RAPGEF4: variants seen among roughly 807,000 people sequenced by gnomAD.
The protein encoded by RAPGEF4 is RAP guanine-nucleotide-exchange factor (GEF) 4.
In RAPGEF4, 66 loss-of-function variants were observed where a neutral mutation model predicts 147.9. That is an observed-to-expected ratio of 0.45 (90% CI 0.37 to 0.55). RAPGEF4 has a LOEUF of 0.55. Among genes scored for constraint, RAPGEF4 ranks in the 20% least tolerant of loss-of-function variants. RAPGEF4 has a pLI of 0.00. For synonymous variants in RAPGEF4, 419 were observed against 442.7 expected, an observed-to-expected ratio of 0.95 and a Z score of 0.67; for missense variants, 1,071 against 1,257.3, an observed-to-expected ratio of 0.85 and a Z score of 2.24.
intron 29 of RAPGEF4, among the ~76,000 whole-genome samples, chr2:173,047,763 A>T (rs201906298): frequency 2.7e-5 from 4 of 149,728 alleles, no homozygotes; most frequent in African/African-American, 9.9e-5. Flanking sequence ...TGCAAGCTCC[A>T]CCTCCCAGGT....
At chr2:172,907,060 A>T (rs1424134501) in intron 4 of RAPGEF4, among the ~76,000 whole-genome samples, 2 of 152,142 alleles carry the variant, frequency 1.3e-5, no homozygotes, top group South Asian at 4.1e-4. Flanking sequence ...GTTTATCCCC[A>T]CCACCCCTTC....
chr2:172,943,521 A>C (rs987245281), intron 6 of RAPGEF4, among the ~76,000 whole-genome samples: 2 of 152,168 alleles, frequency 1.3e-5, no homozygotes, highest in African/African-American at 4.8e-5. Flanking sequence ...ACAGCATTTG[A>C]TAAATGTTTG....
chr2:172,888,375 G>A (rs1380313426), intron 4 of RAPGEF4, among the ~76,000 whole-genome samples: 1 of 152,190 alleles, frequency 6.6e-6, no homozygotes, highest in African/African-American at 2.4e-5. Context: ...CTTTCCATGT[G>A]CGACACCATC....
chr2:172,989,605 G>A (rs1692625105), intron 14 of RAPGEF4, among the ~76,000 whole-genome samples: 1 of 152,296 alleles, frequency 6.6e-6, no homozygotes, highest in East Asian at 1.9e-4. Context: ...TTGTCCCTGG[G>A]AGGGATGACT....
At chr2:173,011,890 A>C (rs1290637501) in intron 17 of RAPGEF4, among the ~76,000 whole-genome samples, 5 of 150,176 alleles carry the variant, frequency 3.3e-5, no homozygotes, top group African/African-American at 1.2e-4. Context: ...TAATTGTCCT[A>C]TCTTGGGGTT....
intron 17 of RAPGEF4, among the ~76,000 whole-genome samples, chr2:173,011,009 T>A (rs1458765764): frequency 1.3e-5 from 2 of 152,110 alleles, no homozygotes; most frequent in African/African-American, 4.8e-5. Flanking sequence ...TACTGAACTT[T>A]CGTGAGAAAA....
At chr2:172,802,728 T>A (rs1687102667) in intron 3 of RAPGEF4, among the ~76,000 whole-genome samples, 1 of 152,222 alleles carries the variant, frequency 6.6e-6, no homozygotes, top group Non-Finnish European at 1.5e-5. Context: ...ATGTCTTATC[T>A]GAGACAAGGC....
At chr2:172,885,671 C>T (rs1292799665) in intron 4 of RAPGEF4, among the ~76,000 whole-genome samples, 3 of 152,116 alleles carry the variant, frequency 2.0e-5, no homozygotes, top group East Asian at 1.9e-4. Flanking sequence ...TTCACCACCA[C>T]GAGAACAGTA....
At chr2:172,975,576 T>G (rs1299287786) in intron 10 of RAPGEF4, among the ~76,000 whole-genome samples, 1 of 152,216 alleles carries the variant, frequency 6.6e-6, no homozygotes, top group Non-Finnish European at 1.5e-5. Flanking sequence ...ATTTCCTCTC[T>G]CCTAGGTTGC....
rs6713917 is a variant in RAPGEF4, at chr2:172,784,928, T to G, written c.66-10097T>G. Among the ~76,000 whole-genome samples the G allele has an allele frequency of 4.0e-3, 606 of 152,064 alleles. 3 individuals are homozygous for G. The highest frequency in any genetic ancestry group is 0.014 in the African/African-American group (589 of 41,466). ...ACAACCTCCACCTCCCGGGTTCAAG[T>G]GTTTCTCCTGCCTCAGCCTCCCGAG... is the stretch of plus-strand genomic sequence containing the variant. On this transcript the variant is annotated intron_variant, in intron 1 of 30. Coordinates refer to ENST00000397081, the MANE Select transcript of RAPGEF4 (RefSeq NM_007023.4).
chr2:172,819,586 C>G (rs1281247871), intron 4 of RAPGEF4, among the ~76,000 whole-genome samples: 1 of 149,188 alleles, frequency 6.7e-6, no homozygotes, highest in Non-Finnish European at 1.5e-5. Flanking sequence ...CTGCCTCAGC[C>G]TCCCAAGTAG....
At chr2:172,774,947 G>A (rs1178108135) in intron 1 of RAPGEF4, among the ~76,000 whole-genome samples, 3 of 152,164 alleles carry the variant, frequency 2.0e-5, no homozygotes, top group Non-Finnish European at 4.4e-5. Flanking sequence ...AAAACTGTGG[G>A]ATGAAGATGC....
At chr2:172,917,939 C>A in intron 5 of RAPGEF4, 65 bp downstream of exon 5, 1 of 1,344,878 alleles carries the variant, frequency 7.4e-7, no homozygotes, top group Non-Finnish European at 1.1e-6. Flanking sequence ...TTTCATGTGA[C>A]AAAAAATATG....
At chr2:172,995,493 T>C (rs1208302976) in intron 15 of RAPGEF4, among the ~76,000 whole-genome samples, 1 of 152,186 alleles carries the variant, frequency 6.6e-6, no homozygotes, top group East Asian at 1.9e-4. Context: ...TTGCCCAGGC[T>C]GGTTGCGAAC....
At chr2:172,957,247 A>G (rs1688836497) in intron 6 of RAPGEF4, among the ~76,000 whole-genome samples, 1 of 152,236 alleles carries the variant, frequency 6.6e-6, no homozygotes, top group South Asian at 2.1e-4. Flanking sequence ...AAATGTCACC[A>G]TGCTTTTGTC....
At chr2:172,863,291 T>C (rs899973452) in intron 4 of RAPGEF4, among the ~76,000 whole-genome samples, 1 of 152,044 alleles carries the variant, frequency 6.6e-6, no homozygotes, top group African/African-American at 2.4e-5. Context: ...AGTTAACTTA[T>C]GTAAAGGGAA....
In RAPGEF4 at chr2:173,051,801, C is replaced by G. The variant is rs1229518821; in HGVS notation, c.*34C>G. 1.2e-5 allele frequency: 20 copies of G among 1,609,234 alleles called. No individual in the cohort carries two copies. Among genetic ancestry groups the G allele is most frequent in the Non-Finnish European group, 1.6e-5 (19 of 1,176,644 alleles). On this transcript the variant is annotated 3_prime_UTR_variant, in exon 31 of 31. Transcript: ENST00000397081. ...AATGCCCAAAGCAACAGTTTGTCTC[C>G]AGTCCACAATCTTTCAAAAATGCCA...
At chr2:172,750,453 A>G (rs1388110122) in intron 1 of RAPGEF4, among the ~76,000 whole-genome samples, 2 of 151,904 alleles carry the variant, frequency 1.3e-5, no homozygotes, top group African/African-American at 4.8e-5. Context: ...AGACTTATCC[A>G]CTACCACAAG....
Position 172,922,311 on chromosome 2 carries a change from ACTCT to A in RAPGEF4, c.537+16_537+19del, listed in dbSNP as rs764453659. ...CCTGACAAGGAGAACGTGAGTAGCTACTCTCTCTGCCTATCTTCTAAAAATTGTT... is the reference window on the plus strand; with the variant it reads ...CCTGACAAGGAGAACGTGAGTAGCTACTCTGCCTATCTTCTAAAAATTGTT... On this transcript the variant is annotated intron_variant, in intron 6 of 30. Transcript: ENST00000397081. 1.9e-6 allele frequency: 3 copies of A among 1,602,070 alleles called. No individual in the cohort carries two copies. Among genetic ancestry groups the A allele is most frequent in the Non-Finnish European group, 2.6e-6 (3 of 1,169,464 alleles).
Sources: allele counts gnomAD v4.1 joint callset (sites outside exome capture counted in the v4.1 genomes callset), GRCh38; gene constraint gnomAD v4.1.1; transcripts MANE v1.5; gene names NCBI Gene and HGNC (gene_info 2026-07-23, HGNC 2026-07-21).